Variants in ZNF362 observed in about 807,000 individuals in gnomAD.
The protein encoded by ZNF362 is zinc finger protein 362, also known as rotund homolog.
A neutral mutation model predicts 42.9 loss-of-function variants in ZNF362; 11 were observed. That is an observed-to-expected ratio of 0.26 (90% CI 0.16 to 0.42). ZNF362 has a LOEUF of 0.42. Among genes scored for constraint, ZNF362 ranks in the 20% least tolerant of loss-of-function variants. ZNF362 has a pLI of 1.00. For synonymous variants in ZNF362, 255 were observed against 257.3 expected (o/e 0.99, Z 0.09); for missense variants, 362 against 576.2 (o/e 0.63, Z 3.81).
At chr1:33,277,069 G>A (rs966844577) in intron 4 of ZNF362, among the ~76,000 whole-genome samples, 4 of 152,246 alleles carry the variant, frequency 2.6e-5, no homozygotes, top group African/African-American at 9.6e-5. Flanking sequence ...AGGACAGACC[G>A]TCTGGGGTGG....
chr1:33,260,031 C>T (rs759379557), intron 1 of ZNF362, among the ~76,000 whole-genome samples: 5 of 152,180 alleles, frequency 3.3e-5, no homozygotes, highest in Non-Finnish European at 1.5e-5. Flanking sequence ...TCTCCCTGCC[C>T]TGGCCAGGCA....
chr1:33,195,820 A>G, the ZNF362 span: 4 of 152,100 alleles, frequency 2.6e-5, no homozygotes, highest in African/African-American at 9.7e-5. Flanking sequence ...CTTCATAAAC[A>G]CTGTACACTA....
At chr1:33,180,124 A>C in the ZNF362 span, among the ~76,000 whole-genome samples, 3 of 152,108 alleles carry the variant, frequency 2.0e-5, no homozygotes, top group Non-Finnish European at 4.4e-5. Context: ...GACCGATTAG[A>C]GTTCTATGCC....
chr1:33,147,845 G>A, the ZNF362 span: 9 of 1,156,536 alleles, frequency 7.8e-6, no homozygotes, highest in Admixed American at 2.1e-4. This position sits in a 1 kb window ranked among gnomAD's most constrained non-coding sequence, Gnocchi z 8.1. Flanking sequence ...GACCTGCTGT[G>A]TGACCTTGAA....
chr1:33,167,521 A>G, the ZNF362 span, among the ~76,000 whole-genome samples: 1 of 152,094 alleles, frequency 6.6e-6, no homozygotes, highest in African/African-American at 2.4e-5. This position sits in a 1 kb window ranked among gnomAD's most constrained non-coding sequence, Gnocchi z 4.2. Context: ...GTATTGGCCC[A>G]CAAGTCCTCC....
chr1:33,186,852 G>T, the ZNF362 span, among the ~76,000 whole-genome samples: 1 of 133,292 alleles, frequency 7.5e-6, no homozygotes, highest in African/African-American at 2.8e-5. Flanking sequence ...CTAAATTAGT[G>T]CTTCTCAATG....
chr1:33,159,562 A>G, the ZNF362 span: 1 of 1,357,172 alleles, frequency 7.4e-7, no homozygotes, highest in Non-Finnish European at 9.8e-7. The surrounding 1 kb of genome is among the most constrained non-coding windows in gnomAD (Gnocchi z 4.2). Context: ...TGTCCCGTAA[A>G]TGTTTGATGA....
chr1:33,254,963 T>A (rs2148050123), upstream of ZNF362, among the ~76,000 whole-genome samples: 1 of 152,332 alleles, frequency 6.6e-6, no homozygotes, highest in South Asian at 2.1e-4. Flanking sequence ...CTTCCTTTCT[T>A]CCCCACCTCG....
the ZNF362 span, among the ~76,000 whole-genome samples, chr1:33,137,822 C>T: frequency 6.6e-6 from 1 of 152,184 alleles, no homozygotes; most frequent in Admixed American, 6.5e-5. Context: ...GGTACAAGGG[C>T]AAGAGGCACT....
chr1:33,281,868 T>C lies in ZNF362; in HGVS notation c.908+57T>C. On this transcript the variant is annotated intron_variant, in intron 6 of 8. Coordinates refer to ENST00000539719, the MANE Select transcript of ZNF362 (RefSeq NM_152493.3). This position sits in a 1 kb window ranked among gnomAD's most constrained non-coding sequence, Gnocchi z 4.8. Reference sequence around the variant, plus strand: ...CCGACTCAGCTCAGCACCCGTGGCCTGGCACATGGAGCCAGTGCAAGGAGG... The same window carrying C: ...CCGACTCAGCTCAGCACCCGTGGCCCGGCACATGGAGCCAGTGCAAGGAGG... 1 of 1,582,262 alleles carries C rather than the reference T, an allele frequency of 6.3e-7. No individual in the cohort carries two copies. Among genetic ancestry groups the C allele is most frequent in the Non-Finnish European group, 8.7e-7 (1 of 1,155,444 alleles).
the ZNF362 span, among the ~76,000 whole-genome samples, chr1:33,234,961 G>A: frequency 6.6e-6 from 1 of 152,152 alleles, no homozygotes; most frequent in African/African-American, 2.4e-5. Context: ...GAATGGCTGA[G>A]GCCTCAGCTG....
At chr1:33,290,737 C>CT (rs1476513837) in intron 6 of ZNF362, among the ~76,000 whole-genome samples, 1 of 152,008 alleles carries the variant, frequency 6.6e-6, no homozygotes, top group African/African-American at 2.4e-5. Context: ...TGTTTCCTGA[C>CT]TTTTTAATGA....
upstream of ZNF362, among the ~76,000 whole-genome samples, chr1:33,255,966 C>G (rs1645785721): frequency 6.6e-6 from 1 of 151,540 alleles, no homozygotes; most frequent in African/African-American, 2.4e-5. Flanking sequence ...AGTGGGGTGG[C>G]GAGGCGGCCG....
chr1:33,289,419 C>T (rs1390069026), intron 6 of ZNF362, among the ~76,000 whole-genome samples: 4 of 152,088 alleles, frequency 2.6e-5, no homozygotes, highest in African/African-American at 9.7e-5. Context: ...AGCCCTGCAG[C>T]TTCAGCCGTG....
the ZNF362 span, among the ~76,000 whole-genome samples, chr1:33,131,642 ATATAT>A: frequency 4.6e-5 from 7 of 152,078 alleles, no homozygotes; most frequent in African/African-American, 1.4e-4. Context: ...AATAATTAAA[ATATAT>A]TAAATTAATT....
At chr1:33,221,948 A>G in the ZNF362 span, among the ~76,000 whole-genome samples, 1 of 152,152 alleles carries the variant, frequency 6.6e-6, no homozygotes, top group Non-Finnish European at 1.5e-5. Flanking sequence ...CCAGCAAAGA[A>G]GGTAGAGAGA....
intron 4 of ZNF362, among the ~76,000 whole-genome samples, chr1:33,277,168 G>T (rs1645957225): frequency 6.6e-6 from 1 of 152,256 alleles, no homozygotes; most frequent in Non-Finnish European, 1.5e-5. Context: ...CCAGCAGCCT[G>T]TGAGGTGTGT....
intron 6 of ZNF362, among the ~76,000 whole-genome samples, chr1:33,286,202 T>C (rs1646031387): frequency 6.6e-6 from 1 of 152,246 alleles, no homozygotes; most frequent in South Asian, 2.1e-4. Context: ...AGCAATTGTA[T>C]TTGCATTTGC....
At chr1:33,255,962 G>T (rs1224853736), upstream of ZNF362, among the ~76,000 whole-genome samples, 6 of 151,694 alleles carry the variant, frequency 4.0e-5, no homozygotes, top group Non-Finnish European at 1.5e-5. Context: ...CAGGAGTGGG[G>T]TGGCGAGGCG....
Sources: gnomAD v4.1 joint callset for allele counts (sites outside exome capture counted in the v4.1 genomes callset) on GRCh38, gnomAD v4.1.1 for gene constraint, Gnocchi (gnomAD v3.1) non-coding constraint, MANE v1.5 for transcripts, NCBI Gene and HGNC (gene_info 2026-07-23, HGNC 2026-07-21) for gene names.